The following ARL15 variants were observed in gnomAD, a reference collection of about 807,000 sequenced individuals.
ARL15 encodes ADP-ribosylation factor-like protein 15.
Under a neutral mutation model 25.2 loss-of-function variants are expected in ARL15, and 19 were observed. The ratio of observed to expected loss-of-function variants is 0.75; its 90% CI spans 0.53 to 1.10. The LOEUF is 1.10. ARL15 is among the 50% of genes least tolerant of loss of function. The pLI is 0.00. For missense variants in ARL15, 220 were observed against 246.0 expected, an observed-to-expected ratio of 0.89 and a Z score of 0.71; for synonymous variants, 94 against 86.8, an observed-to-expected ratio of 1.08 and a Z score of -0.46.
chr5:53,990,257 AC>A (rs1181727795), intron 4 of ARL15, among the ~76,000 whole-genome samples: 2 of 147,788 alleles, frequency 1.4e-5, no homozygotes, highest in African/African-American at 5.0e-5. Flanking sequence ...TTAAAAAAAA[AC>A]ACATCATATT....
chr5:53,920,026 C>A (rs1745794525), intron 4 of ARL15, among the ~76,000 whole-genome samples: 1 of 152,016 alleles, frequency 6.6e-6, no homozygotes, highest in African/African-American at 2.4e-5. Context: ...ACAGTGACTG[C>A]CCAGAGTAGG....
At position 54,239,611 on chromosome 5, in the gene ARL15, T is replaced by C. The variant is rs370358392; in HGVS notation, c.49-67683A>G. ...TCACTTGTAGTTAAGTGTGACCATATGTCTATGTTCTGAAATATGAGGACA... is the reference window on the plus strand; with the variant it reads ...TCACTTGTAGTTAAGTGTGACCATACGTCTATGTTCTGAAATATGAGGACA... On this transcript the variant is annotated intron_variant, in intron 1 of 4. Coordinates refer to ENST00000504924, the MANE Select transcript of ARL15 (RefSeq NM_019087.3). 6.6e-5 allele frequency among the ~76,000 whole-genome samples: 10 copies of C among 152,336 alleles called. No homozygotes were observed. The East Asian group carries it at 1.9e-3, about 29-fold the overall frequency.
chr5:54,197,500 T>A (rs1370996100), intron 1 of ARL15, among the ~76,000 whole-genome samples: 1 of 152,070 alleles, frequency 6.6e-6, no homozygotes, highest in Non-Finnish European at 1.5e-5. Flanking sequence ...ATAAAAAAGA[T>A]CTCCATGTTT....
At chr5:54,203,567 T>C (rs111718752) in intron 1 of ARL15, among the ~76,000 whole-genome samples, 8 of 152,264 alleles carry the variant, frequency 5.3e-5, no homozygotes, top group African/African-American at 1.9e-4. Context: ...TGAGAAAATA[T>C]CCAATGACTA....
chr5:54,134,235 C>T (rs577739846), intron 3 of ARL15, among the ~76,000 whole-genome samples: 12 of 152,202 alleles, frequency 7.9e-5, no homozygotes, highest in Non-Finnish European at 1.6e-4. Context: ...TTTGGACTGA[C>T]TTGCTAGGTT....
At chr5:54,232,573 T>C (rs905913515) in intron 1 of ARL15, among the ~76,000 whole-genome samples, 5 of 151,716 alleles carry the variant, frequency 3.3e-5, no homozygotes, top group Admixed American at 6.6e-5. Context: ...GGGGTAAAAA[T>C]AGAACCAACA....
chr5:53,986,713 T>C (rs1364393569), intron 4 of ARL15, among the ~76,000 whole-genome samples: 2 of 152,210 alleles, frequency 1.3e-5, no homozygotes, highest in Non-Finnish European at 2.9e-5. Context: ...TTCAACTTTG[T>C]AGTTTTCGTT....
At chr5:53,999,309 C>T (rs1231863915) in intron 4 of ARL15, among the ~76,000 whole-genome samples, 1 of 152,188 alleles carries the variant, frequency 6.6e-6, no homozygotes. Context: ...AAGTGGAAGG[C>T]CGGGCGTGGT....
chr5:53,927,383 A>C (rs964509610), intron 4 of ARL15, among the ~76,000 whole-genome samples: 2 of 152,130 alleles, frequency 1.3e-5, no homozygotes, highest in Admixed American at 1.3e-4. Flanking sequence ...ACACACGTGC[A>C]CCACCCTTAT....
chr5:54,150,153 C>T (rs1424085765), intron 3 of ARL15, among the ~76,000 whole-genome samples: 1 of 152,210 alleles, frequency 6.6e-6, no homozygotes, highest in African/African-American at 2.4e-5. Context: ...ATAACCACCA[C>T]AACTTTCTAG....
At chr5:54,198,909 A>T (rs1355042815) in intron 1 of ARL15, among the ~76,000 whole-genome samples, 5 of 152,188 alleles carry the variant, frequency 3.3e-5, no homozygotes, top group African/African-American at 1.2e-4. Flanking sequence ...CTACAAGGCT[A>T]CAGTAACCAA....
intron 4 of ARL15, chr5:54,075,728 C>T (rs1418321200): frequency 2.0e-5 from 3 of 152,224 alleles, no homozygotes; most frequent in African/African-American, 7.2e-5. Context: ...CTCAGGTAAT[C>T]TGCCCACCTT....
At chr5:54,150,960 C>A (rs187301571) in intron 3 of ARL15, among the ~76,000 whole-genome samples, 106 of 152,144 alleles carry the variant, frequency 7.0e-4, no homozygotes, top group Admixed American at 2.6e-3. Flanking sequence ...GTGCCAGGCC[C>A]TGGGTAAAGT....
At chr5:54,234,339 T>C (rs1756747394) in intron 1 of ARL15, among the ~76,000 whole-genome samples, 1 of 152,172 alleles carries the variant, frequency 6.6e-6, no homozygotes, top group African/African-American at 2.4e-5. Context: ...AAAAAAATTT[T>C]AATTGCTAGA....
intron 3 of ARL15, among the ~76,000 whole-genome samples, chr5:54,124,831 T>G (rs1236201029): frequency 1.3e-5 from 2 of 152,138 alleles, no homozygotes; most frequent in African/African-American, 4.8e-5. Flanking sequence ...CACAGAAATG[T>G]TACATGGTGA....
chr5:54,203,406 C>T (rs1000634406), intron 1 of ARL15, among the ~76,000 whole-genome samples: 1 of 152,140 alleles, frequency 6.6e-6, no homozygotes, highest in African/African-American at 2.4e-5. Context: ...TACTTCGCAG[C>T]ATCACAACTC....
At chr5:54,221,532 A>G (rs1338994283) in intron 1 of ARL15, among the ~76,000 whole-genome samples, 1 of 152,140 alleles carries the variant, frequency 6.6e-6, no homozygotes, top group Admixed American at 6.6e-5. Flanking sequence ...CAATTTGAGA[A>G]ACCACTCAAG....
intron 1 of ARL15, among the ~76,000 whole-genome samples, chr5:54,216,486 T>C (rs1756209487): frequency 6.6e-6 from 1 of 152,196 alleles, no homozygotes; most frequent in South Asian, 2.1e-4. Flanking sequence ...ACTATACTTA[T>C]CTCTGTTTGC....
At chr5:54,268,659 G>A (rs1757694526) in intron 1 of ARL15, among the ~76,000 whole-genome samples, 1 of 152,164 alleles carries the variant, frequency 6.6e-6, no homozygotes. Flanking sequence ...GGAAGTCAGT[G>A]TGGTGATTCC....
Sources: gnomAD v4.1 joint callset for allele counts (sites outside exome capture counted in the v4.1 genomes callset) on GRCh38, gnomAD v4.1.1 for gene constraint, MANE v1.5 for transcripts, NCBI Gene and HGNC (gene_info 2026-07-23, HGNC 2026-07-21) for gene names.